Variants in BAIAP3 observed in about 807,000 individuals in gnomAD.
BAIAP3 encodes the protein BAI1-associated protein 3.
Under a neutral mutation model 149.7 loss-of-function variants are expected in BAIAP3, and 180 were observed. That is an observed-to-expected ratio of 1.20 (90% CI 1.07 to 1.36). BAIAP3 has a LOEUF of 1.36. Among genes scored for constraint, BAIAP3 ranks in the 40% most tolerant of loss-of-function variants. BAIAP3 has a pLI of 0.00. For missense variants in BAIAP3, 1,767 were observed against 1,563.4 expected, an observed-to-expected ratio of 1.13 and a Z score of -2.20; for synonymous variants, 845 against 670.7, an observed-to-expected ratio of 1.26 and a Z score of -4.02.
chr16:1,342,630 C>T lies in BAIAP3; in HGVS notation c.1061C>T (p.Thr354Met), dbSNP rs762619597. 7 of 1,586,040 alleles carry T rather than the reference C, an allele frequency of 4.4e-6. No individual in the cohort carries two copies. Among genetic ancestry groups the T allele is most frequent in the South Asian group, 2.3e-5 (2 of 87,854 alleles). ...CACCTGGTTCTCAAGCTGATCACTA[C>T]GCAGGTGGGGAAAGTGGGCGTCCCC... The part of the protein sequence containing the change: ...HCHLVLKLIT[T>M]QRDTAMSQRG... The change falls in exon 12 of 34, where the codon ACG becomes ATG. Residue 354 changes from threonine to methionine, a missense_variant. Thr to Met is a moderately conservative substitution (Grantham distance 81). Transcript: ENST00000426824.
chr16:1,346,936 G>A lies in BAIAP3; in HGVS notation c.2732G>A (p.Arg911His), dbSNP rs116346037. The change falls in exon 28 of 34, where the codon CGC (arginine) becomes CAC (histidine). Residue 911 changes from arginine to histidine, a missense_variant. By Grantham distance (29) the Arg-to-His change is conservative. Transcript: ENST00000426824. ...GACGTCTCTGCTGATTTCTACAGCC[G>A]CTTCCATTTCACGCTGGAGGTAGAG... ...NRDVSADFYSRFHFTLEALVS... is the reference protein window; with the variant it reads ...NRDVSADFYSHFHFTLEALVS... The A allele has an allele frequency of 4.5e-5, 72 of 1,610,818 alleles. No individual in the cohort carries two copies. The highest frequency in any genetic ancestry group is 1.3e-4 in the Admixed American group (8 of 59,832).
chr16:1,344,354 C>T, intron 17 of BAIAP3, 37 bp downstream of exon 17: 1 of 1,611,808 alleles, frequency 6.2e-7, no homozygotes, highest in Non-Finnish European at 8.5e-7. Flanking sequence ...GGCTGCTAAG[C>T]CCTCCCTTCC....
In BAIAP3 at chr16:1,344,669, C is replaced by T; in HGVS notation, c.1728C>T (p.Cys576=). 6.2e-7 allele frequency: 1 copy of T among 1,613,534 alleles called. No homozygotes were observed. The highest frequency in any genetic ancestry group is 2.2e-5 in the East Asian group (1 of 44,890). Residue 576 remains cysteine (C), a synonymous_variant, in exon 19 of 34, where the codon TGC becomes TGT. Coordinates refer to ENST00000426824, the MANE Select transcript of BAIAP3 (RefSeq NM_001199097.2). The stretch of plus-strand genomic sequence containing the variant: ...CCGTCTATGATGACCTTCAGTTCTG[C>T]TACAGTGTGTACGCCAGCCTCTTCC... ...ADAVYDDLQF[C]YSVYASLFHS...
chr16:1,339,973 C>A (rs1310555288), intron 5 of BAIAP3, among the ~76,000 whole-genome samples: 1 of 144,316 alleles, frequency 6.9e-6, no homozygotes, highest in East Asian at 2.1e-4. Flanking sequence ...CGCACGCACA[C>A]ACACAGGCTG....
Position 1,339,199 on chromosome 16 carries a change from G to A in BAIAP3, c.255G>A (p.Glu85=). Residue 85 remains glutamate, a synonymous_variant, in exon 4 of 34, where the codon GAG becomes GAA. Transcript: ENST00000426824. ...GCAGTGGCTCGCCAGCACCCCCGGA[G>A]CCTGTGGATCCCAGCCTCGGCCTGA... The part of the protein sequence containing the change: ...PLRSGSPAPP[E]PVDPSLGLRA... The A allele has an allele frequency of 1.3e-6, 2 of 1,565,580 alleles. No individual in the cohort carries two copies.
At position 1,338,642 on chromosome 16, in the gene BAIAP3, T is replaced by C. The variant is rs764001310; in HGVS notation, c.93T>C (p.Ser31=). The C allele has an allele frequency of 3.1e-6, 5 of 1,595,506 alleles. No individual in the cohort carries two copies. Among genetic ancestry groups the C allele is most frequent in the Non-Finnish European group, 4.3e-6 (5 of 1,172,666 alleles). Residue 31 remains serine, a synonymous_variant, in exon 2 of 34, where the codon AGT becomes AGC. Transcript: ENST00000426824. ...GCAGGACTGAGCAGGACCCAGGGAG[T>C]GCCAGCGCCGACCCGCAGGAGCCTG... ...FRRRTEQDPG[S]ASADPQEPAT... is the part of the protein sequence containing the mutation.
chr16:1,346,399 C>G, intron 25 of BAIAP3, 38 bp downstream of exon 25: 1 of 1,611,368 alleles, frequency 6.2e-7, no homozygotes, highest in East Asian at 2.2e-5. Flanking sequence ...GGAGGCAGTC[C>G]CTGGTGCCCC....
Position 1,339,481 on chromosome 16 carries a change from T to G in BAIAP3, c.301-15T>G. On this transcript the variant is annotated splice_polypyrimidine_tract_variant and intron_variant, in intron 4 of 33. Transcript: ENST00000426824. ...CTGGGACGCGGCACTGTGGCCGCCC[T>G]TCCCCCACCTGCAGGTGGAGATGCT... 1 of 1,600,108 alleles carries G rather than the reference T, an allele frequency of 6.2e-7. No homozygotes were observed. The highest frequency in any genetic ancestry group is 2.2e-5 in the East Asian group (1 of 44,506).
Position 1,345,012 on chromosome 16 carries a change from A to T in BAIAP3, c.1853A>T (p.Lys618Met). 6.2e-7 allele frequency: 1 copy of T among 1,612,704 alleles called. No homozygotes were observed. Residue 618 changes from lysine (K) to methionine (M), a missense_variant, in exon 21 of 34, where the codon AAG becomes ATG. Coordinates refer to ENST00000426824, the MANE Select transcript of BAIAP3 (RefSeq NM_001199097.2). ...AWVLTEELSP[K>M]MTLEVASGLF... Reference sequence around the variant, plus strand: ...GTGCTGACGGAGGAGCTGAGCCCCAAGATGACCCTGGAGGTGGCCTCGGGG... The same window carrying T: ...GTGCTGACGGAGGAGCTGAGCCCCATGATGACCCTGGAGGTGGCCTCGGGG...
rs1212691344 is a variant in BAIAP3 at position 1,348,160 on chromosome 16, G to A, written c.3214G>A (p.Asp1072Asn). 5.6e-6 allele frequency: 9 copies of A among 1,608,458 alleles called. No individual in the cohort carries two copies. The highest frequency in any genetic ancestry group is 7.6e-6 in the Non-Finnish European group (9 of 1,179,768). The change falls in exon 33 of 34, where the codon GAC becomes AAC. Residue 1072 changes from aspartate to asparagine, a missense_variant. By Grantham distance (23) the Asp-to-Asn change is conservative. Transcript: ENST00000426824. ...ACVLFTVMDH[D>N]WLSTNDFAGE... The stretch of plus-strand genomic sequence containing the variant: ...TGTGTTGTTCACCGTCATGGACCAC[G>A]ACTGGCTGTCCACCAACGACTTCGC...
rs753262569 is a variant in BAIAP3, at chr16:1,345,285, C to T, written c.1977C>T (p.Ala659=). 2.5e-6 allele frequency: 4 copies of T among 1,613,030 alleles called. No homozygotes were observed. The African/African-American group carries it at 5.3e-5, about 22-fold the overall frequency. The part of the protein sequence containing the change: ...SRSLALAGIH[A]PFLPAVKLWF... ...CTCTGGCCCTGGCTGGCATCCACGC[C>T]CCCTTCCTGCCTGCTGTGAAGCTCT... is the stretch of plus-strand genomic sequence containing the variant. The change falls in exon 22 of 34, where the codon GCC becomes GCT. Residue 659 remains alanine (A), a synonymous_variant. Coordinates refer to ENST00000426824, the MANE Select transcript of BAIAP3 (RefSeq NM_001199097.2).
intron 15 of BAIAP3, 122 bp downstream of exon 15, chr16:1,343,635 A>C (rs957263394): frequency 7.0e-6 from 10 of 1,421,690 alleles, no homozygotes; most frequent in Non-Finnish European, 8.6e-6. Context: ...ACAAATGGAC[A>C]AACTGTATGA....
At chr16:1,340,369 A>C (rs1317987411) in intron 5 of BAIAP3, among the ~76,000 whole-genome samples, 1 of 144,212 alleles carries the variant, frequency 6.9e-6, no homozygotes, top group Non-Finnish European at 1.5e-5. Flanking sequence ...CTGCAGGTGC[A>C]CACAGACACG....
rs763936784 is a variant in BAIAP3 at position 1,342,197 on chromosome 16, G to C, written c.871G>C (p.Val291Leu). Reference protein sequence around the residue: ...KGMGRYFKQIVKSARANGTAG... With the variant: ...KGMGRYFKQILKSARANGTAG... ...GGTGGCCAGGTACTTCAAACAGATC[G>C]TCAAGTCAGCCCGCGCAAACGGGAC... The change falls in exon 11 of 34, where the codon GTC becomes CTC. Residue 291 changes from valine to leucine, a missense_variant. Val to Leu is a conservative substitution (Grantham distance 32, BLOSUM62 1). Coordinates refer to ENST00000426824, the MANE Select transcript of BAIAP3 (RefSeq NM_001199097.2). 1.2e-6 allele frequency: 2 copies of C among 1,606,378 alleles called. No homozygotes were observed. The highest frequency in any genetic ancestry group is 4.5e-5 in the East Asian group (2 of 44,754).
rs770789278 is a variant in BAIAP3 at position 1,342,588 on chromosome 16, G to A, written c.1019G>A (p.Arg340His). Residue 340 changes from arginine to histidine, a missense_variant, in exon 12 of 34, where the codon CGT (arginine) becomes CAT (histidine). Physicochemically the swap from Arg to His is conservative, Grantham distance 29. Transcript: ENST00000426824. ...CTGGAGCCACGCTCCAGTGCCTCGC[G>A]TGTGCAGGGACACTGCCACCTGGTT... is the stretch of plus-strand genomic sequence containing the variant. ...FKLEPRSSAS[R>H]VQGHCHLVLK... 1.3e-6 allele frequency: 2 copies of A among 1,566,228 alleles called. No individual in the cohort carries two copies. Among genetic ancestry groups the A allele is most frequent in the Non-Finnish European group, 1.7e-6 (2 of 1,156,314 alleles).
intron 1 of BAIAP3, among the ~76,000 whole-genome samples, chr16:1,335,077 C>T (rs2033370884): frequency 6.6e-6 from 1 of 152,222 alleles, no homozygotes; most frequent in Non-Finnish European, 1.5e-5. Flanking sequence ...TCACTGCCCC[C>T]AACCCTGAGC....
chr16:1,338,595 C>T lies in BAIAP3; in HGVS notation c.46C>T (p.Gln16Ter). 1.9e-6 allele frequency: 3 copies of T among 1,608,988 alleles called. No individual in the cohort carries two copies. The highest frequency in any genetic ancestry group is 1.7e-6 in the Non-Finnish European group (2 of 1,178,314). Residue 16 changes from glutamine to a stop codon, truncating the protein, a stop_gained, in exon 2 of 34, where the codon CAG becomes TAG. Coordinates refer to ENST00000426824, the MANE Select transcript of BAIAP3 (RefSeq NM_001199097.2). LOFTEE classifies it high-confidence loss of function. ...TAAGAGCAGCGTGCTCAGGCAGGTGCAGGTGTGCCCGTCCTTCCGCCGCAG... is the reference window on the plus strand; with the variant it reads ...TAAGAGCAGCGTGCTCAGGCAGGTGTAGGTGTGCCCGTCCTTCCGCCGCAG... ...DIKSSVLRQV[Q>*]VCPSFRRRTE... is the part of the protein sequence containing the mutation.
Position 1,340,959 on chromosome 16 carries a change from T to C in BAIAP3, c.446T>C (p.Ile149Thr). 6.3e-7 allele frequency: 1 copy of C among 1,587,734 alleles called. No homozygotes were observed. Residue 149 changes from isoleucine to threonine, a missense_variant, in exon 6 of 34, where the codon ATC becomes ACC. By Grantham distance (89) the Ile-to-Thr change is moderately conservative (BLOSUM62 -1). Coordinates refer to ENST00000426824, the MANE Select transcript of BAIAP3 (RefSeq NM_001199097.2). ...AGCCTTGAGGAGCACACTGAGGCCA[T>C]CGAGCGAGTGAGGAAGGCCAAGGTG... is the stretch of plus-strand genomic sequence containing the variant. Reference protein sequence around the residue: ...GTSLEEHTEAIERVRKAKAPT... With the variant: ...GTSLEEHTEATERVRKAKAPT...
In BAIAP3 at chr16:1,349,229, T is replaced by C. The variant is rs2034587962; in HGVS notation, c.*747T>C. 2 of 629,166 alleles carry C rather than the reference T, an allele frequency of 3.2e-6. No homozygotes were observed. Among genetic ancestry groups the C allele is most frequent in the Non-Finnish European group, 5.6e-6 (2 of 354,680 alleles). 39.0% of individuals were successfully genotyped at this position (629,166 alleles called of 1,614,324 possible). On this transcript the variant is annotated 3_prime_UTR_variant, in exon 34 of 34. Coordinates refer to ENST00000426824, the MANE Select transcript of BAIAP3 (RefSeq NM_001199097.2). ...CCCAGGCCCAGTGTGAAAAACAGAC[T>C]CACAAGGGGCTTCTTGGCCTGCAGC...
Sources: allele counts gnomAD v4.1 joint callset (sites outside exome capture counted in the v4.1 genomes callset), GRCh38; gene constraint gnomAD v4.1.1; transcripts MANE v1.5; gene names NCBI Gene and HGNC (gene_info 2026-07-23, HGNC 2026-07-21).